Variants in SPATA1 observed in about 807,000 individuals in gnomAD.
SPATA1 encodes the protein spermatogenesis-associated protein 1.
A neutral mutation model predicts 59.6 loss-of-function variants in SPATA1; 57 were observed. That is an observed-to-expected ratio of 0.96 (90% CI 0.77 to 1.19). The LOEUF is 1.19. Ranked by LOEUF, SPATA1 falls within the 50% of genes most tolerant of loss-of-function variation. The pLI is 0.00. For synonymous variants in SPATA1, 147 were observed against 163.9 expected (o/e 0.90, Z 0.79); for missense variants, 448 against 480.7 (o/e 0.93, Z 0.64).
chr1:84,521,577 G>T (rs906456328), intron 3 of SPATA1, among the ~76,000 whole-genome samples: 6 of 151,648 alleles, frequency 4.0e-5, no homozygotes, highest in African/African-American at 1.5e-4. Flanking sequence ...TTTTTCTGTG[G>T]ATATTCTCTA....
chr1:84,566,166 G>T, exon 5 of SPATA1: 1 of 362,652 alleles, frequency 2.8e-6, no homozygotes. Context: ...CATAGAACTT[G>T]AACCATTCTA....
At chr1:84,515,198 A>C (rs1253536936) in intron 1 of SPATA1, among the ~76,000 whole-genome samples, 3 of 152,148 alleles carry the variant, frequency 2.0e-5, no homozygotes, top group Non-Finnish European at 2.9e-5. Flanking sequence ...ATACAATGGC[A>C]TACAGAGTTT....
intron 6 of SPATA1, among the ~76,000 whole-genome samples, chr1:84,527,034 G>A (rs1466536031): frequency 6.6e-6 from 1 of 152,090 alleles, no homozygotes; most frequent in African/African-American, 2.4e-5. Flanking sequence ...TCTAACGGGT[G>A]TCAAGTAATA....
At chr1:84,565,910 C>T in exon 5 of SPATA1, 1 of 1,600,630 alleles carries the variant, frequency 6.2e-7, no homozygotes, top group South Asian at 1.1e-5. Context: ...CTTTGTTCAT[C>T]ATAAGACATC....
intron 8 of SPATA1, among the ~76,000 whole-genome samples, chr1:84,539,168 A>G (rs909474602): frequency 6.6e-6 from 1 of 152,206 alleles, no homozygotes; most frequent in African/African-American, 2.4e-5. Context: ...GGAATGCTGA[A>G]TGGAGTCTGT....
chr1:84,545,655 T>C (rs969833438), exon 10 of SPATA1: 2 of 1,511,810 alleles, frequency 1.3e-6, no homozygotes, highest in Non-Finnish European at 1.8e-6. Flanking sequence ...ATCAAACAAA[T>C]GAAACAAGTA....
At chr1:84,516,199 CTTT>C in intron 1 of SPATA1, 21 bp from the exon 2 acceptor site, 1 of 545,744 alleles carries the variant, frequency 1.8e-6, no homozygotes, top group South Asian at 3.5e-5. Context: ...TTGTGTTTTC[CTTT>C]TTATTTCTTG....
chr1:84,560,525 T>A (rs1684573428), intron 4 of SPATA1, among the ~76,000 whole-genome samples: 1 of 152,210 alleles, frequency 6.6e-6, no homozygotes, highest in Admixed American at 6.5e-5. Context: ...TTCTGAAACC[T>A]CCCATGTCGG....
chr1:84,545,316 T>A (rs1181735161), intron 9 of SPATA1, among the ~76,000 whole-genome samples: 1 of 151,200 alleles, frequency 6.6e-6, no homozygotes, highest in African/African-American at 2.4e-5. Context: ...TAATTTTGAA[T>A]CCCAGATAAA....
chr1:84,562,770 A>C (rs1684618528), intron 4 of SPATA1, among the ~76,000 whole-genome samples: 2 of 152,162 alleles, frequency 1.3e-5, no homozygotes, highest in Non-Finnish European at 2.9e-5. Flanking sequence ...TTGCTTTATA[A>C]TTTAATTATA....
At chr1:84,537,953 G>T (rs763943637) in intron 8 of SPATA1, among the ~76,000 whole-genome samples, 2 of 152,276 alleles carry the variant, frequency 1.3e-5, no homozygotes, top group South Asian at 4.2e-4. Context: ...TTGCAGCATG[G>T]GCAATAAGGA....
In SPATA1 at chr1:84,513,842, A is replaced by ATTTTTTTTTTTTT. The variant is rs60377217; in HGVS notation, c.-137-2376_-137-2364dup. On this transcript the variant is annotated intron_variant, in intron 1 of 12. Transcript: ENST00000490879. ...TGATGACTTCTCTTTTCTATATTCT[A>ATTTTTTTTTTTTT]TTTTTTTTTTTTTTTTTGAGACGGA... Among the ~76,000 whole-genome samples, 22 of 125,050 alleles carry ATTTTTTTTTTTTT rather than the reference A, an allele frequency of 1.8e-4. 2 individuals are homozygous for ATTTTTTTTTTTTT. The highest frequency in any genetic ancestry group is 5.0e-4 in the South Asian group (2 of 4,026). The allele number at this position is 125,050 out of a possible 152,430, so 82.0% of individuals were successfully genotyped here.
rs56250726 is a variant in SPATA1, at chr1:84,548,750, C to CTTTTTTT, written c.947-11_947-5dup. 1.4e-5 allele frequency: 13 copies of CTTTTTTT among 915,454 alleles called. No homozygotes were observed. The East Asian group carries it at 2.5e-4, about 18-fold the overall frequency. The allele number at this position is 915,454 out of a possible 1,614,324, so 56.7% of individuals were successfully genotyped here. A position where few individuals can be genotyped will look rare whatever the true frequency, so the allele number is the denominator to read the frequency against. ...TTTAATACTCAAACGAAGGCCTTTC[C>CTTTTTTT]TTTTTTTTTTTTTTTTTTTTTTTTT... On this transcript the variant is annotated intron_variant, in intron 10 of 12. Coordinates refer to ENST00000490879, the Ensembl canonical transcript of SPATA1.
At chr1:84,538,554 T>C (rs1040915969) in intron 8 of SPATA1, among the ~76,000 whole-genome samples, 2 of 152,228 alleles carry the variant, frequency 1.3e-5, no homozygotes, top group African/African-American at 2.4e-5. Flanking sequence ...GGGAGCTCCA[T>C]GGTCTGCGAC....
chr1:84,549,452 A>G (rs946833504), intron 11 of SPATA1, among the ~76,000 whole-genome samples: 1 of 152,108 alleles, frequency 6.6e-6, no homozygotes, highest in South Asian at 2.1e-4. Flanking sequence ...TCCTGACTCT[A>G]TGGGAAAGAG....
intron 1 of SPATA1, among the ~76,000 whole-genome samples, chr1:84,509,083 A>G (rs1027312315): frequency 6.6e-6 from 1 of 152,170 alleles, no homozygotes; most frequent in South Asian, 2.1e-4. Context: ...ACTTATACAG[A>G]ACCATAAAAG....
At position 84,522,380 on chromosome 1, in the gene SPATA1, A is replaced by T; in HGVS notation, c.144-10A>T. 7.2e-7 allele frequency: 1 copy of T among 1,398,168 alleles called. No homozygotes were observed. The highest frequency in any genetic ancestry group is 9.5e-7 in the Non-Finnish European group (1 of 1,052,680). The allele number at this position is 1,398,168 out of a possible 1,614,324, so 86.6% of individuals were successfully genotyped here. On this transcript the variant is annotated splice_polypyrimidine_tract_variant and intron_variant, in intron 3 of 12. Transcript: ENST00000490879. ...ATTTTATATTATAAGGCAATTTTAT[A>T]ATATTTCAGAGTATCTCCTCAACTT...
exon 5 of SPATA1, chr1:84,566,147 T>C (rs949946116): frequency 2.4e-6 from 1 of 421,288 alleles, no homozygotes; most frequent in Non-Finnish European, 4.0e-6. Context: ...GAATGTAGGG[T>C]TTGACACACA....
intron 1 of SPATA1, among the ~76,000 whole-genome samples, chr1:84,514,547 G>C (rs1393022819): frequency 6.6e-6 from 1 of 152,150 alleles, no homozygotes. Context: ...TCAGATTTTT[G>C]AGCATTGCAG....
Sources: allele counts gnomAD v4.1 joint callset (sites outside exome capture counted in the v4.1 genomes callset), GRCh38; gene constraint gnomAD v4.1.1; transcripts MANE v1.5; gene names NCBI Gene and HGNC (gene_info 2026-07-23, HGNC 2026-07-21).